Variants in TRABD2B observed in about 807,000 individuals in gnomAD.
TRABD2B encodes TraB domain containing 2B.
A neutral mutation model predicts 40.1 loss-of-function variants in TRABD2B; 14 were observed. The ratio of observed to expected loss-of-function variants is 0.35; its 90% CI spans 0.23 to 0.55. The LOEUF (loss-of-function observed/expected upper bound fraction) is 0.55, where lower values mean the gene tolerates loss of function less well. TRABD2B is among the 20% of genes least tolerant of loss of function. The probability of loss-of-function intolerance (pLI) is 0.90; values close to 1 mark genes in which losing one functional copy is unlikely to be tolerated. For synonymous variants in TRABD2B, 263 were observed against 277.0 expected, an observed-to-expected ratio of 0.95 and a Z score of 0.50; for missense variants, 541 against 648.6, an observed-to-expected ratio of 0.83 and a Z score of 1.80.
intron 2 of TRABD2B, among the ~76,000 whole-genome samples, chr1:47,850,058 A>G (rs956199098): frequency 6.6e-6 from 1 of 152,240 alleles, no homozygotes; most frequent in Non-Finnish European, 1.5e-5. Context: ...TTGTTTATAC[A>G]AAAGAAAATC....
chr1:47,782,577 T>C (rs75983469), intron 4 of TRABD2B, among the ~76,000 whole-genome samples: 3 of 152,186 alleles, frequency 2.0e-5, no homozygotes, highest in Admixed American at 1.3e-4. Flanking sequence ...TTACTCCATA[T>C]CCTTTCCATG....
chr1:47,907,225 C>T (rs1474771406), intron 2 of TRABD2B, among the ~76,000 whole-genome samples: 1 of 152,228 alleles, frequency 6.6e-6, no homozygotes, highest in Non-Finnish European at 1.5e-5. Flanking sequence ...CACTTTCTTT[C>T]ATGACCAGGG....
intron 2 of TRABD2B, among the ~76,000 whole-genome samples, chr1:47,907,322 A>G (rs943590201): frequency 6.6e-6 from 1 of 152,232 alleles, no homozygotes; most frequent in African/African-American, 2.4e-5. Context: ...GCTCTCCTCA[A>G]GCCACTGAAT....
intron 2 of TRABD2B, among the ~76,000 whole-genome samples, chr1:47,924,435 T>C (rs1352074154): frequency 2.0e-5 from 3 of 152,158 alleles, no homozygotes; most frequent in Non-Finnish European, 4.4e-5. Flanking sequence ...CCCCGGTACA[T>C]GGTCCCTTAA....
intron 2 of TRABD2B, among the ~76,000 whole-genome samples, chr1:47,917,817 T>A (rs1644850024): frequency 2.0e-5 from 3 of 152,162 alleles, no homozygotes; most frequent in Non-Finnish European, 4.4e-5. Flanking sequence ...TACTCCCGGA[T>A]TCTTTATGAT....
At chr1:47,778,876 C>G (rs1005857238) in intron 4 of TRABD2B, among the ~76,000 whole-genome samples, 1 of 152,204 alleles carries the variant, frequency 6.6e-6, no homozygotes, top group South Asian at 2.1e-4. Context: ...AAGGGCTCTC[C>G]GTGCTTCCCT....
At chr1:47,969,458 G>A (rs1645649803) in intron 2 of TRABD2B, among the ~76,000 whole-genome samples, 1 of 152,214 alleles carries the variant, frequency 6.6e-6, no homozygotes, top group Non-Finnish European at 1.5e-5. Flanking sequence ...CTCAAGGACA[G>A]AAGCCAGCAT....
intron 2 of TRABD2B, among the ~76,000 whole-genome samples, chr1:47,879,305 GATT>G (rs1458325749): frequency 2.6e-5 from 4 of 152,110 alleles, no homozygotes; most frequent in Admixed American, 2.0e-4. Context: ...GATTCCGTAA[GATT>G]ATATTTTTAA....
chr1:47,836,067 TTA>T (rs1491539703), intron 2 of TRABD2B, among the ~76,000 whole-genome samples: 6 of 152,298 alleles, frequency 3.9e-5, no homozygotes, highest in African/African-American at 1.2e-4. Flanking sequence ...GAAAAAGTTT[TTA>T]TATATTATTG....
chr1:47,896,810 T>G (rs1644528848), intron 2 of TRABD2B, among the ~76,000 whole-genome samples: 1 of 152,168 alleles, frequency 6.6e-6, no homozygotes, highest in Admixed American at 6.5e-5. Context: ...ATCTGAAAAG[T>G]GGGAATCATG....
intron 2 of TRABD2B, among the ~76,000 whole-genome samples, chr1:47,882,703 C>CGCTAACATGCCATGCA (rs1553161709): frequency 6.6e-6 from 1 of 152,082 alleles, no homozygotes; most frequent in Non-Finnish European, 1.5e-5. Flanking sequence ...GCTCTGTGAA[C>CGCTAACATGCCATGCA]GCTAACATGC....
chr1:47,980,852 A>G (rs969444833), intron 2 of TRABD2B, among the ~76,000 whole-genome samples: 1 of 152,148 alleles, frequency 6.6e-6, no homozygotes, highest in African/African-American at 2.4e-5. Context: ...CCAGGGCCAC[A>G]GCCTTCCTCA....
chr1:47,771,557 G>A (rs1644377819), intron 6 of TRABD2B, among the ~76,000 whole-genome samples: 1 of 152,186 alleles, frequency 6.6e-6, no homozygotes, highest in South Asian at 2.1e-4. Flanking sequence ...GAGCTGGCAT[G>A]ACCTCCAAAG....
chr1:47,962,900 G>C (rs1047311295), intron 2 of TRABD2B, among the ~76,000 whole-genome samples: 1 of 152,168 alleles, frequency 6.6e-6, no homozygotes, highest in East Asian at 1.9e-4. Context: ...CCATTCACAG[G>C]AAGGGGTATC....
At chr1:47,955,858 C>T (rs577602363) in intron 2 of TRABD2B, among the ~76,000 whole-genome samples, 1 of 152,292 alleles carries the variant, frequency 6.6e-6, no homozygotes, top group East Asian at 1.9e-4. Flanking sequence ...AGGAGGGGGA[C>T]AGATAGTCTG....
intron 2 of TRABD2B, among the ~76,000 whole-genome samples, chr1:47,966,414 G>A (rs943200894): frequency 2.0e-5 from 3 of 152,152 alleles, no homozygotes; most frequent in African/African-American, 7.2e-5. Context: ...AGGTGAGAAG[G>A]GACATATCTC....
At chr1:47,782,705 C>T (rs1169166111) in intron 4 of TRABD2B, among the ~76,000 whole-genome samples, 1 of 152,188 alleles carries the variant, frequency 6.6e-6, no homozygotes, top group Non-Finnish European at 1.5e-5. Flanking sequence ...GCCCTTGGAC[C>T]AGCCCGAGTC....
intron 2 of TRABD2B, among the ~76,000 whole-genome samples, chr1:47,965,037 T>C (rs1023935939): frequency 1.3e-5 from 2 of 151,654 alleles, no homozygotes; most frequent in Non-Finnish European, 1.5e-5. Flanking sequence ...TGTTTAGAGA[T>C]GTACTAAGGG....
intron 2 of TRABD2B, among the ~76,000 whole-genome samples, chr1:47,914,434 CG>C (rs1644802734): frequency 6.6e-6 from 1 of 152,184 alleles, no homozygotes; most frequent in Admixed American, 6.5e-5. Flanking sequence ...GTGGGAAGAG[CG>C]GGGAGCTCCT....
Sources: allele counts gnomAD v4.1 joint callset (sites outside exome capture counted in the v4.1 genomes callset), GRCh38; gene constraint gnomAD v4.1.1; transcripts MANE v1.5; gene names NCBI Gene and HGNC (gene_info 2026-07-23, HGNC 2026-07-21).